The following AEBP2 variants were observed in gnomAD, a reference collection of about 807,000 sequenced individuals.
AEBP2 encodes the protein zinc finger protein AEBP2.
Under a neutral mutation model 50.8 loss-of-function variants are expected in AEBP2, and 10 were observed. The observed-to-expected ratio is 0.20, with a 90% confidence interval of 0.12 to 0.33. The LOEUF (loss-of-function observed/expected upper bound fraction) is 0.33, where lower values mean the gene tolerates loss of function less well. Among genes scored for constraint, AEBP2 ranks in the 10% least tolerant of loss-of-function variants. The pLI is 1.00. For synonymous variants in AEBP2, 296 were observed against 261.3 expected (o/e 1.13, Z -1.28); for missense variants, 570 against 688.0 (o/e 0.83, Z 1.92).
intron 3 of AEBP2, among the ~76,000 whole-genome samples, chr12:19,488,531 A>AC (rs1275090720): frequency 1.3e-5 from 2 of 152,128 alleles, no homozygotes; most frequent in Non-Finnish European, 1.5e-5. Context: ...ATTTGTCGAA[A>AC]CCAAGAAATC....
At chr12:19,455,118 T>C (rs1254394925) in intron 1 of AEBP2, among the ~76,000 whole-genome samples, 1 of 151,810 alleles carries the variant, frequency 6.6e-6, no homozygotes, top group Non-Finnish European at 1.5e-5. Flanking sequence ...CTTAGCCTCC[T>C]GTGTAGCTGG....
chr12:19,461,394 A>G (rs1948375220), intron 1 of AEBP2, among the ~76,000 whole-genome samples: 1 of 152,222 alleles, frequency 6.6e-6, no homozygotes, highest in Non-Finnish European at 1.5e-5. Context: ...GACCACTAGT[A>G]TATACTTTTT....
intron 1 of AEBP2, among the ~76,000 whole-genome samples, chr12:19,432,509 C>T (rs1003710396): frequency 2.0e-5 from 3 of 152,140 alleles, no homozygotes; most frequent in African/African-American, 7.2e-5. Context: ...GCCTGGGCAA[C>T]ATGGCAAAAT....
rs111596455 is a variant in AEBP2 at position 19,505,951 on chromosome 12, G to GT, written c.1299+5740dup. Reference sequence around the variant, plus strand: ...CCACGATGCCTGGCTAATTTTTTGAGTTTTTTTTTTATTTTTTCTTGTAGA... The same window carrying GT: ...CCACGATGCCTGGCTAATTTTTTGAGTTTTTTTTTTTATTTTTTCTTGTAGA... On this transcript the variant is annotated intron_variant, in intron 5 of 7. Coordinates refer to ENST00000266508, the MANE Select transcript of AEBP2 (RefSeq NM_153207.5). 1.3e-3 allele frequency among the ~76,000 whole-genome samples: 189 copies of GT among 148,434 alleles called. 2 individuals carry two copies. The highest frequency in any genetic ancestry group is 6.0e-3 in the South Asian group (28 of 4,630).
intron 1 of AEBP2, among the ~76,000 whole-genome samples, chr12:19,407,633 C>T (rs1315047343): frequency 6.6e-6 from 1 of 151,966 alleles, no homozygotes; most frequent in Non-Finnish European, 1.5e-5. Context: ...GAGACAGGGT[C>T]TTACTATGTT....
intron 1 of AEBP2, among the ~76,000 whole-genome samples, chr12:19,440,935 T>C (rs1356742675): frequency 6.6e-6 from 1 of 152,234 alleles, no homozygotes; most frequent in Non-Finnish European, 1.5e-5. Flanking sequence ...TAGTCAGTCA[T>C]GTGGTCTCCA....
At chr12:19,483,850 G>A (rs1948766602) in intron 3 of AEBP2, among the ~76,000 whole-genome samples, 1 of 152,154 alleles carries the variant, frequency 6.6e-6, no homozygotes, top group Admixed American at 6.6e-5. Flanking sequence ...AATTATGTAT[G>A]TAGGAAAAAT....
chr12:19,434,723 A>T (rs75670465), upstream of AEBP2, among the ~76,000 whole-genome samples: 265 of 152,278 alleles, frequency 1.7e-3, 5 homozygotes, highest in Non-Finnish European at 2.6e-3. Context: ...TTAAATTTTG[A>T]GAGTGAAATA....
At chr12:19,448,191 G>A (rs1328500914) in intron 1 of AEBP2, among the ~76,000 whole-genome samples, 1 of 152,112 alleles carries the variant, frequency 6.6e-6, no homozygotes. Context: ...ACAGGCGTGA[G>A]CCACTGTGCC....
At chr12:19,507,275 A>G (rs1024072973) in intron 5 of AEBP2, among the ~76,000 whole-genome samples, 1 of 152,184 alleles carries the variant, frequency 6.6e-6, no homozygotes, top group Non-Finnish European at 1.5e-5. Context: ...GTCTCTACAG[A>G]TAAGGGAGAA....
At chr12:19,510,652 GAT>G (rs1949220052) in intron 5 of AEBP2, among the ~76,000 whole-genome samples, 1 of 152,100 alleles carries the variant, frequency 6.6e-6, no homozygotes, top group Non-Finnish European at 1.5e-5. Context: ...TTGGAGTCTA[GAT>G]ATGTTAATTG....
chr12:19,499,091 A>G (rs905575023), intron 4 of AEBP2, among the ~76,000 whole-genome samples: 7 of 152,214 alleles, frequency 4.6e-5, no homozygotes, highest in African/African-American at 1.7e-4. Flanking sequence ...GCATTTTTAT[A>G]TGCATTTGTT....
At chr12:19,408,332 G>A (rs565467183) in intron 1 of AEBP2, among the ~76,000 whole-genome samples, 9 of 151,980 alleles carry the variant, frequency 5.9e-5, no homozygotes, top group South Asian at 2.1e-4. Flanking sequence ...CGAGGTGGAC[G>A]GATCACCTGA....
At chr12:19,481,848 A>C (rs899914252) in intron 3 of AEBP2, among the ~76,000 whole-genome samples, 2 of 151,940 alleles carry the variant, frequency 1.3e-5, no homozygotes, top group Non-Finnish European at 2.9e-5. Flanking sequence ...TTTCTTTATG[A>C]TATTTTTTCT....
chr12:19,435,843 AAC>A (rs1947852409), upstream of AEBP2, among the ~76,000 whole-genome samples: 1 of 152,154 alleles, frequency 6.6e-6, no homozygotes, highest in African/African-American at 2.4e-5. Context: ...TCCAGGGCTT[AAC>A]ACAGTGTCTG....
chr12:19,421,344 C>CAAAAAAAAAAAAAAA (rs375160231), intron 1 of AEBP2, among the ~76,000 whole-genome samples: 3 of 82,452 alleles, frequency 3.6e-5, no homozygotes, highest in African/African-American at 4.7e-5. Context: ...GACTCTGTCT[C>CAAAAAAAAAAAAAAA]AAAAAAAAAA....
rs35060511 is a variant in AEBP2 at position 19,495,547 on chromosome 12, C to CTTTTTTTTTTT, written c.1174+1565_1174+1575dup. Among the ~76,000 whole-genome samples the CTTTTTTTTTTT allele has an allele frequency of 1.5e-3, 216 of 141,014 alleles. 1 individual carries two copies. The highest frequency in any genetic ancestry group is 2.3e-3 in the African/African-American group (87 of 38,476). The allele number at this position is 141,014 out of a possible 152,430, so 92.5% of individuals were successfully genotyped here. ...TAAACTCTCTTAAATTTCATTCTTGCTTTTTTTTTTTTTTGATACAGGGTC... is the reference window on the plus strand; with the variant it reads ...TAAACTCTCTTAAATTTCATTCTTGCTTTTTTTTTTTTTTTTTTTTTTTTTGATACAGGGTC... On this transcript the variant is annotated intron_variant, in intron 4 of 7. Transcript: ENST00000266508.
At chr12:19,417,904 C>G (rs2095743481) in intron 1 of AEBP2, among the ~76,000 whole-genome samples, 1 of 151,876 alleles carries the variant, frequency 6.6e-6, no homozygotes, top group Admixed American at 6.6e-5. Context: ...GGGGTTTTAT[C>G]ATGTTGGCCA....
At chr12:19,494,721 A>T (rs954107486) in intron 4 of AEBP2, among the ~76,000 whole-genome samples, 6 of 152,068 alleles carry the variant, frequency 3.9e-5, no homozygotes, top group African/African-American at 1.4e-4. Flanking sequence ...CATAGTACCT[A>T]GTCTATTGTA....
Sources: gnomAD v4.1 joint callset for allele counts (sites outside exome capture counted in the v4.1 genomes callset) on GRCh38, gnomAD v4.1.1 for gene constraint, MANE v1.5 for transcripts, NCBI Gene and HGNC (gene_info 2026-07-23, HGNC 2026-07-21) for gene names.